MYLK: variants seen among roughly 807,000 people sequenced by gnomAD.
The protein encoded by MYLK is myosin light chain kinase.
A neutral mutation model predicts 203.4 loss-of-function variants in MYLK; 106 were observed. The ratio of observed to expected loss-of-function variants is 0.52; its 90% CI spans 0.45 to 0.61. The LOEUF (loss-of-function observed/expected upper bound fraction) is 0.61. Ranked by LOEUF, MYLK falls within the 20% of genes least tolerant of loss-of-function variation. The pLI, the probability that MYLK is intolerant of heterozygous loss-of-function variation, is 0.00. For synonymous variants in MYLK, 867 were observed against 959.5 expected (o/e 0.90, Z 1.78); for missense variants, 2,072 against 2,442.3 (o/e 0.85, Z 3.20).
At chr3:123,827,582 A>G (rs1318442956) in intron 3 of MYLK, among the ~76,000 whole-genome samples, 3 of 150,724 alleles carry the variant, frequency 2.0e-5, no homozygotes, top group South Asian at 2.1e-4. Context: ...TGAAGAAGAA[A>G]TAAAATATTT....
intron 24 of MYLK, 152 bp downstream of exon 24, chr3:123,656,974 C>T: frequency 1.2e-6 from 1 of 858,972 alleles, no homozygotes; most frequent in South Asian, 1.5e-5. Context: ...GGCTCAACAT[C>T]ACTGTCTTGG....
At chr3:123,778,360 A>C (rs1220849443) in intron 4 of MYLK, among the ~76,000 whole-genome samples, 1 of 151,932 alleles carries the variant, frequency 6.6e-6, no homozygotes, top group African/African-American at 2.4e-5. Flanking sequence ...CAAAATACAA[A>C]AAATTAGCCG....
intron 33 of MYLK, among the ~76,000 whole-genome samples, chr3:123,614,863 G>A (rs1171753966): frequency 2.0e-5 from 3 of 151,858 alleles, no homozygotes; most frequent in Non-Finnish European, 4.4e-5. Flanking sequence ...CTGGAGTGCA[G>A]TGGCATGAAC....
chr3:123,709,820 C>T lies in MYLK; in HGVS notation c.1878G>A (p.Leu626=), dbSNP rs376450306. 5 of 1,614,068 alleles carry T rather than the reference C, an allele frequency of 3.1e-6. No homozygotes were observed. The highest frequency in any genetic ancestry group is 2.2e-5 in the South Asian group (2 of 91,086). The change falls in exon 14 of 34, where the codon CTG becomes CTA. Residue 626 remains leucine, a synonymous_variant. Transcript: ENST00000360304. ...TGACTTTGAGATCAGAGAGGCCCTG[C>T]AGGAAGATGGGTGCAGTGGGCTTGC... ...APSKPTAPIF[L]QGLSDLKVMD...
chr3:123,644,494 T>C (rs2058945034), intron 27 of MYLK: 2 of 152,286 alleles, frequency 1.3e-5, no homozygotes. Context: ...TCTTTGCTTT[T>C]TCCATCCAGC....
At chr3:123,701,908 G>A (rs2061247000) in intron 16 of MYLK, among the ~76,000 whole-genome samples, 1 of 152,206 alleles carries the variant, frequency 6.6e-6, no homozygotes, top group South Asian at 2.1e-4. Context: ...CTGGTGGTGG[G>A]CCTGCCCAGT....
chr3:123,709,479 T>C, intron 14 of MYLK: 1 of 430,052 alleles, frequency 2.3e-6, no homozygotes, highest in Admixed American at 3.5e-5. Context: ...ACCTTCCAGC[T>C]ACACTGGCCA....
At chr3:123,661,626 A>C (rs2059564660) in intron 23 of MYLK, among the ~76,000 whole-genome samples, 1 of 152,238 alleles carries the variant, frequency 6.6e-6, no homozygotes, top group Admixed American at 6.5e-5. Context: ...GGTCAGAGGA[A>C]GGAAGACAAA....
intron 6 of MYLK, 40 bp downstream of exon 6, chr3:123,739,913 C>A: frequency 1.3e-5 from 21 of 1,610,338 alleles, no homozygotes; most frequent in Non-Finnish European, 1.7e-5. Flanking sequence ...AGCAGGAAAG[C>A]AATCCAACCC....
At chr3:123,635,362 T>C (rs1337785701) in intron 29 of MYLK, among the ~76,000 whole-genome samples, 4 of 152,226 alleles carry the variant, frequency 2.6e-5, no homozygotes, top group Non-Finnish European at 5.9e-5. Context: ...CCGCTCTCTG[T>C]TGAGAGCCCT....
intron 27 of MYLK, among the ~76,000 whole-genome samples, chr3:123,645,664 G>A (rs2108161698): frequency 6.6e-6 from 1 of 152,342 alleles, no homozygotes; most frequent in Non-Finnish European, 1.5e-5. Flanking sequence ...GTGAAAAGAT[G>A]TGTGTACAAG....
chr3:123,719,234 G>C (rs2062008208), intron 13 of MYLK, among the ~76,000 whole-genome samples: 2 of 152,220 alleles, frequency 1.3e-5, no homozygotes, highest in African/African-American at 4.8e-5. Flanking sequence ...GCTTGCAGCA[G>C]AGCTGCCCCT....
rs1317870597 is a variant in MYLK at position 123,666,821 on chromosome 3, T to A, written c.3703+316A>T. ...CCCAAGAGGGTCATGTACACAAGGG[T>A]AGGGCAGAGGATGGACAGCAGGGCA... On this transcript the variant is annotated intron_variant, in intron 21 of 33. Transcript: ENST00000360304. The A allele has an allele frequency of 4.6e-5, 26 of 567,748 alleles. No homozygotes were observed. In the East Asian group the frequency reaches 7.8e-4, roughly 17 times the overall value. 35.2% of individuals were successfully genotyped at this position (567,748 alleles called of 1,614,324 possible). A position where few individuals can be genotyped will look rare whatever the true frequency, so the allele number is the denominator to read the frequency against.
intron 5 of MYLK, among the ~76,000 whole-genome samples, chr3:123,749,848 T>G (rs566182276): frequency 2.4e-4 from 36 of 152,362 alleles, no homozygotes; most frequent in African/African-American, 7.9e-4. Context: ...TTTCTTTCCA[T>G]TGCACAACAC....
intron 18 of MYLK, among the ~76,000 whole-genome samples, chr3:123,695,391 C>T (rs1478678928): frequency 6.6e-6 from 1 of 152,206 alleles, no homozygotes; most frequent in Non-Finnish European, 1.5e-5. Context: ...CTGTCTAACA[C>T]CACTGTTTTT....
intron 2 of MYLK, among the ~76,000 whole-genome samples, chr3:123,844,006 C>T (rs2066653090): frequency 6.6e-6 from 1 of 152,174 alleles, no homozygotes; most frequent in Non-Finnish European, 1.5e-5. Flanking sequence ...GGCATTTTCC[C>T]TCCTTGCTCC....
chr3:123,748,972 G>A (rs970567336), intron 5 of MYLK, among the ~76,000 whole-genome samples: 1 of 152,138 alleles, frequency 6.6e-6, no homozygotes, highest in African/African-American at 2.4e-5. Context: ...GGGAGGCTGA[G>A]GCAGAAGAAT....
intron 4 of MYLK, among the ~76,000 whole-genome samples, chr3:123,766,846 AAC>A (rs2063720468): frequency 6.6e-6 from 1 of 152,226 alleles, no homozygotes; most frequent in Non-Finnish European, 1.5e-5. Flanking sequence ...AAAGAAAAGA[AAC>A]ACATACCAAC....
chr3:123,710,345 C>A (rs1576678346), intron 13 of MYLK, among the ~76,000 whole-genome samples: 1 of 149,286 alleles, frequency 6.7e-6, no homozygotes, highest in Admixed American at 6.7e-5. Context: ...TAGAAGCAAA[C>A]AGGCATTTAT....
Sources: gnomAD v4.1 joint callset for allele counts (sites outside exome capture counted in the v4.1 genomes callset) on GRCh38, gnomAD v4.1.1 for gene constraint, MANE v1.5 for transcripts, NCBI Gene and HGNC (gene_info 2026-07-23, HGNC 2026-07-21) for gene names.